Variants in GHR observed in about 807,000 individuals in gnomAD.
GHR encodes the protein growth hormone receptor.
In GHR, 35 loss-of-function variants were observed where a neutral mutation model predicts 67.1. The ratio of observed to expected loss-of-function variants is 0.52; its 90% confidence interval spans 0.40 to 0.69. GHR has a LOEUF of 0.69. Ranked by LOEUF, GHR falls within the 30% of genes least tolerant of loss-of-function variation. The probability of loss-of-function intolerance (pLI) is 0.00; values close to 1 mark genes in which losing one functional copy is unlikely to be tolerated. For missense variants in GHR, 792 were observed against 764.6 expected (o/e 1.04, Z -0.42); for synonymous variants, 272 against 269.1 (o/e 1.01, Z -0.10).
intron 3 of GHR, among the ~76,000 whole-genome samples, chr5:42,655,925 G>A (rs1755233078): frequency 6.6e-6 from 1 of 152,058 alleles, no homozygotes; most frequent in African/African-American, 2.4e-5. Context: ...TATTAGCCCA[G>A]CCATTTTCTT....
chr5:42,483,118 G>A (rs1283227789), intron 1 of GHR, among the ~76,000 whole-genome samples: 1 of 152,112 alleles, frequency 6.6e-6, no homozygotes, highest in Non-Finnish European at 1.5e-5. Flanking sequence ...ATCCAGGCTG[G>A]AGTGCAGTGG....
intron 5 of GHR, among the ~76,000 whole-genome samples, chr5:42,697,094 T>C (rs1299562818): frequency 6.6e-6 from 1 of 152,194 alleles, no homozygotes. Flanking sequence ...ACAATAGTTG[T>C]GGGGCAAGGT....
chr5:42,540,482 A>G (rs577372271), intron 1 of GHR, among the ~76,000 whole-genome samples: 120 of 152,232 alleles, frequency 7.9e-4, no homozygotes, highest in Non-Finnish European at 1.3e-3. Context: ...AGGATTGTCC[A>G]TTTTCTACAT....
chr5:42,596,440 A>C (rs1752076152), intron 2 of GHR, among the ~76,000 whole-genome samples: 2 of 152,208 alleles, frequency 1.3e-5, no homozygotes, highest in African/African-American at 4.8e-5. Context: ...GAAACCCATG[A>C]AAACAGCGGC....
chr5:42,601,290 C>T (rs1390396906), intron 2 of GHR, among the ~76,000 whole-genome samples: 1 of 152,122 alleles, frequency 6.6e-6, no homozygotes, highest in African/African-American at 2.4e-5. Flanking sequence ...ATTGTCTTCT[C>T]CTTTCTCTTT....
At chr5:42,524,366 C>A (rs1236539724) in intron 1 of GHR, among the ~76,000 whole-genome samples, 1 of 152,096 alleles carries the variant, frequency 6.6e-6, no homozygotes, top group East Asian at 1.9e-4. Context: ...AGACTGGCAG[C>A]ATTTTGCCCT....
At chr5:42,612,928 C>T (rs1295156380) in intron 2 of GHR, among the ~76,000 whole-genome samples, 1 of 152,070 alleles carries the variant, frequency 6.6e-6, no homozygotes, top group Non-Finnish European at 1.5e-5. Flanking sequence ...AGTCTCTCCT[C>T]CTATCTGCAT....
At chr5:42,556,194 C>T (rs1749299345) in intron 1 of GHR, among the ~76,000 whole-genome samples, 1 of 152,078 alleles carries the variant, frequency 6.6e-6, no homozygotes, top group Admixed American at 6.6e-5. Context: ...CTTTGAAAAC[C>T]TACGCTTCTG....
chr5:42,555,116 G>T (rs1306790765), intron 1 of GHR, among the ~76,000 whole-genome samples: 1 of 152,210 alleles, frequency 6.6e-6, no homozygotes, highest in African/African-American at 2.4e-5. Flanking sequence ...AGTCAGTCTG[G>T]CCAAATAGAC....
intron 4 of GHR, among the ~76,000 whole-genome samples, chr5:42,693,000 C>T (rs1049202294): frequency 2.6e-5 from 4 of 152,028 alleles, no homozygotes; most frequent in Admixed American, 2.0e-4. Flanking sequence ...CCACCTATTC[C>T]TAATTTTTTT....
intron 2 of GHR, among the ~76,000 whole-genome samples, chr5:42,598,682 T>A (rs1054598976): frequency 1.3e-5 from 2 of 152,218 alleles, no homozygotes; most frequent in African/African-American, 2.4e-5. Flanking sequence ...AAAGTTAATT[T>A]AGTGTGCATA....
chr5:42,503,544 A>G (rs1276987712), intron 1 of GHR, among the ~76,000 whole-genome samples: 1 of 152,214 alleles, frequency 6.6e-6, no homozygotes, highest in African/African-American at 2.4e-5. Context: ...GGTGGATTTG[A>G]CAAATATTTA....
At chr5:42,535,207 G>A (rs540345277) in intron 1 of GHR, among the ~76,000 whole-genome samples, 11 of 152,026 alleles carry the variant, frequency 7.2e-5, no homozygotes, top group South Asian at 2.1e-4. Flanking sequence ...TTGCTTTTGC[G>A]TTCTTGGTCA....
chr5:42,705,970 A>G (rs571567443), intron 6 of GHR, among the ~76,000 whole-genome samples: 1 of 152,256 alleles, frequency 6.6e-6, no homozygotes, highest in South Asian at 2.1e-4. Flanking sequence ...AAGTTGCTAA[A>G]CTGCTTGCCA....
chr5:42,598,305 G>A (rs1373738602), intron 2 of GHR, among the ~76,000 whole-genome samples: 2 of 152,224 alleles, frequency 1.3e-5, no homozygotes, highest in Non-Finnish European at 2.9e-5. Flanking sequence ...ATGCTAAGGA[G>A]TTTCCAATTT....
At chr5:42,505,146 C>A (rs904140850) in intron 1 of GHR, among the ~76,000 whole-genome samples, 5 of 106,136 alleles carry the variant, frequency 4.7e-5, no homozygotes, top group Non-Finnish European at 1.0e-4. Flanking sequence ...TTCTTTCTTT[C>A]TTTTTTTGCC....
Position 42,711,058 on chromosome 5 carries a change from T to G in GHR, c.619-149T>G, listed in dbSNP as rs1307301298. ...AAATGATTATTTACATCAATCTTCCTTTAAATAACAAATGCTCACAATGCA... is the reference window on the plus strand; with the variant it reads ...AAATGATTATTTACATCAATCTTCCGTTAAATAACAAATGCTCACAATGCA... On this transcript the variant is annotated intron_variant, in intron 6 of 9. Transcript: ENST00000230882. 4.3e-6 allele frequency: 3 copies of G among 693,774 alleles called. No homozygotes were observed. The African/African-American group carries it at 5.3e-5, about 12-fold the overall frequency. The allele number at this position is 693,774 out of a possible 1,614,324, so 43.0% of individuals were successfully genotyped here. A position where few individuals can be genotyped will look rare whatever the true frequency, so the allele number is the denominator to read the frequency against.
chr5:42,687,611 G>A (rs1319963725), intron 3 of GHR, among the ~76,000 whole-genome samples: 1 of 152,174 alleles, frequency 6.6e-6, no homozygotes, highest in Non-Finnish European at 1.5e-5. Flanking sequence ...CATGCCTTAT[G>A]AGTTTGTTGC....
intron 1 of GHR, among the ~76,000 whole-genome samples, chr5:42,550,756 T>A (rs997632832): frequency 6.6e-6 from 1 of 152,152 alleles, no homozygotes; most frequent in East Asian, 1.9e-4. Context: ...GAAGCCGAGT[T>A]CTGCCACCTG....
Sources: allele counts gnomAD v4.1 joint callset (sites outside exome capture counted in the v4.1 genomes callset), GRCh38; gene constraint gnomAD v4.1.1; transcripts MANE v1.5; gene names NCBI Gene and HGNC (gene_info 2026-07-23, HGNC 2026-07-21).